Variants in SELE observed in about 807,000 individuals in gnomAD.
The protein encoded by SELE is selectin E.
SELE carries 52 observed loss-of-function variants against 75.8 expected under a neutral mutation model. The ratio of observed to expected loss-of-function variants is 0.69; its 90% confidence interval spans 0.55 to 0.86. The LOEUF is 0.86. Among genes scored for constraint, SELE ranks in the 40% least tolerant of loss-of-function variants. SELE has a pLI of 0.00. For synonymous variants in SELE, 285 were observed against 258.7 expected (o/e 1.10, Z -0.98); for missense variants, 754 against 732.7 (o/e 1.03, Z -0.34).
In SELE at chr1:169,729,524, A is replaced by G. The variant is rs1373695866; in HGVS notation, c.865T>C (p.Ser289Pro). The G allele has an allele frequency of 2.5e-6, 4 of 1,613,998 alleles. No individual in the cohort carries two copies. Among genetic ancestry groups the G allele is most frequent in the Non-Finnish European group, 2.5e-6 (3 of 1,179,988 alleles). Residue 289 changes from serine to proline, a missense_variant, in exon 6 of 14, where the codon TCT becomes CCT. Transcript: ENST00000333360. ...GGCTTCTCGTTGTCCCAATTCCCAG[A>G]TGAGGTACACTGAAGGCTCTGGGCT... ...MGAQSLQCTS[S>P]GNWDNEKPTC... is the part of the protein sequence containing the mutation.
At chr1:169,732,088 C>G (rs1648925711) in intron 3 of SELE, 146 bp from the exon 4 acceptor site, 4 of 526,804 alleles carry the variant, frequency 7.6e-6, no homozygotes. Context: ...TACAAAGTTC[C>G]AAATCTGAGT....
chr1:169,728,295 G>A, intron 7 of SELE, 49 bp from the exon 8 acceptor site: 1 of 1,574,362 alleles, frequency 6.4e-7, no homozygotes, highest in African/African-American at 1.4e-5. Context: ...GAACTAGAGA[G>A]TACTTGGCGT....
At chr1:169,727,244 G>T in intron 10 of SELE, 105 bp downstream of exon 10, 1 of 1,273,212 alleles carries the variant, frequency 7.9e-7, no homozygotes, top group Non-Finnish European at 1.1e-6. Context: ...GTCAACCTGG[G>T]CGAACTTTCT....
chr1:169,729,104 G>T, intron 7 of SELE, 82 bp downstream of exon 7: 1 of 1,231,496 alleles, frequency 8.1e-7, no homozygotes, highest in South Asian at 1.5e-5. Flanking sequence ...AGTTAAAGTG[G>T]GTATTGGTTT....
chr1:169,730,705 T>TC, intron 4 of SELE, 88 bp from the exon 5 acceptor site: 1 of 729,620 alleles, frequency 1.4e-6, no homozygotes, highest in East Asian at 3.3e-5. Flanking sequence ...TTGGTTTTTT[T>TC]TTTTTTTAGT....
At chr1:169,726,064 A>G in intron 11 of SELE, 136 bp from the exon 12 acceptor site, 1 of 1,005,492 alleles carries the variant, frequency 9.9e-7, no homozygotes, top group South Asian at 1.4e-5. Context: ...TAATCAGAGC[A>G]CAAGCATGGC....
chr1:169,733,013 A>C lies in SELE; in HGVS notation c.38-15T>G. ...AATGAGAAGCACTAGTGGGAGAAAAAGAAAAGAAATGGTAGAGTTTGGTAC... is the reference window on the plus strand; with the variant it reads ...AATGAGAAGCACTAGTGGGAGAAAACGAAAAGAAATGGTAGAGTTTGGTAC... On this transcript the variant is annotated splice_polypyrimidine_tract_variant and intron_variant, in intron 2 of 13. Coordinates refer to ENST00000333360, the MANE Select transcript of SELE (RefSeq NM_000450.2). 3.2e-6 allele frequency: 5 copies of C among 1,542,044 alleles called. No individual in the cohort carries two copies. Among genetic ancestry groups the C allele is most frequent in the Non-Finnish European group, 2.6e-6 (3 of 1,153,090 alleles).
Position 169,732,896 on chromosome 1 carries a change from A to T in SELE, c.140T>A (p.Leu47Gln). Residue 47 changes from leucine to glutamine, a missense_variant, in exon 3 of 14, where the codon CTG becomes CAG. Coordinates refer to ENST00000333360, the MANE Select transcript of SELE (RefSeq NM_000450.2). ...CTCTTCTTTGTTTTGAATTGCAACC[A>T]GGTGTGTGTACCTTTGCTGACAATA... Reference protein sequence around the residue: ...SAYCQQRYTHLVAIQNKEEIE... With the variant: ...SAYCQQRYTHQVAIQNKEEIE... 1 of 1,614,172 alleles carries T rather than the reference A, an allele frequency of 6.2e-7. No individual in the cohort carries two copies. The highest frequency in any genetic ancestry group is 8.5e-7 in the Non-Finnish European group (1 of 1,180,026).
At position 169,724,371 on chromosome 1, in the gene SELE, A is replaced by G. The variant is rs1407152377; in HGVS notation, c.*154T>C. 1 of 152,172 alleles carries G rather than the reference A, an allele frequency of 6.6e-6. No individual in the cohort carries two copies. Among genetic ancestry groups the G allele is most frequent in the Non-Finnish European group, 1.5e-5 (1 of 68,038 alleles). 9.4% of individuals were successfully genotyped at this position (152,172 alleles called of 1,614,324 possible). ...GTCCTTGCCTGCTGGACTTTGATCT[A>G]TTGAAGTGGTGATGGGTGTTGCGGT... On this transcript the variant is annotated 3_prime_UTR_variant, in exon 14 of 14. Coordinates refer to ENST00000333360, the MANE Select transcript of SELE (RefSeq NM_000450.2).
chr1:169,730,621 A>G lies in SELE; in HGVS notation c.530-4T>C. The G allele has an allele frequency of 6.3e-7, 1 of 1,588,678 alleles. No individual in the cohort carries two copies. Among genetic ancestry groups the G allele is most frequent in the Non-Finnish European group, 8.6e-7 (1 of 1,164,400 alleles). ...TCCAGGGCTGTACAGTTCACAACTG[A>G]AAAAGAAACCCAAATCAGTTCTGCT... On this transcript the variant is annotated splice_region_variant and splice_polypyrimidine_tract_variant and intron_variant, in intron 4 of 13. Transcript: ENST00000333360.
intron 13 of SELE, among the ~76,000 whole-genome samples, chr1:169,725,330 C>T (rs1211529068): frequency 6.6e-6 from 1 of 151,500 alleles, no homozygotes; most frequent in Non-Finnish European, 1.5e-5. Flanking sequence ...TTGCAGTGAG[C>T]CAAGATCATG....
rs1406391504 is a variant in SELE at position 169,728,144 on chromosome 1, CAGG to C, written c.1190_1192del (p.Ser397del). The C allele has an allele frequency of 1.2e-6, 2 of 1,614,200 alleles. No homozygotes were observed. Among genetic ancestry groups the C allele is most frequent in the East Asian group, 2.2e-5 (1 of 44,884 alleles). On this transcript the variant is annotated inframe_deletion, in exon 8 of 14. Transcript: ENST00000333360. ...TCCCTTCAACACAAAACCCTGCTCA[CAGG>C]AGAACTCACAGCTGGACCCATAACG...
chr1:169,731,572 G>A (rs1332656998), intron 4 of SELE: 3 of 350,408 alleles, frequency 8.6e-6, no homozygotes, highest in South Asian at 6.5e-5. Context: ...AGCCTATGAA[G>A]TTCACACTAT....
intron 9 of SELE, 77 bp downstream of exon 9, chr1:169,727,662 C>G (rs536354744): frequency 5.8e-6 from 9 of 1,550,102 alleles, no homozygotes; most frequent in Non-Finnish European, 7.0e-6. Flanking sequence ...GGACCAAACC[C>G]CTTTGGGGCA....
At position 169,726,754 on chromosome 1, in the gene SELE, G is replaced by A; in HGVS notation, c.1698C>T (p.Leu566=). The change falls in exon 11 of 14, where the codon CTC becomes CTT. Residue 566 remains leucine (L), a synonymous_variant. Transcript: ENST00000333360. The part of the protein sequence containing the change: ...PLVAGLSAAG[L]SLLTLAPFLL... ...GAAATGGTGCTAATGTCAGGAGGGA[G>A]AGTCCAGCAGCAGAAAGTCCAGCTA... The A allele has an allele frequency of 6.2e-7, 1 of 1,613,952 alleles. No individual in the cohort carries two copies.
At chr1:169,727,655 C>A (rs1284831146) in intron 9 of SELE, 84 bp downstream of exon 9, 7 of 1,542,098 alleles carry the variant, frequency 4.5e-6, no homozygotes, top group East Asian at 2.3e-5. Context: ...GAAATTAGGA[C>A]CAAACCCCTT....
In SELE at chr1:169,729,189, CA is replaced by C; in HGVS notation, c.1086del (p.Cys362TrpfsTer17). 4 of 1,602,330 alleles carry C rather than the reference CA, an allele frequency of 2.5e-6. No individual in the cohort carries two copies. Among genetic ancestry groups the C allele is most frequent in the Non-Finnish European group, 2.6e-6 (3 of 1,172,788 alleles). On this transcript the variant is annotated frameshift_variant, in exon 7 of 14. Transcript: ENST00000333360. LOFTEE classifies it high-confidence loss of function. ...QGQWTQQIPV[C>X]EAFQCTALSN... is the part of the protein sequence containing the mutation. The stretch of plus-strand genomic sequence containing the variant: ...AATCGAAGGATCTCAAGCTTACCTT[CA>C]CAAACTGGGATTTGCTGTGTCCACT...
chr1:169,727,984 C>A, intron 8 of SELE, 57 bp from the exon 9 acceptor site: 1 of 1,588,402 alleles, frequency 6.3e-7, no homozygotes, highest in Admixed American at 1.8e-5. Flanking sequence ...CAATACGTTT[C>A]CCAAGGTAAC....
At chr1:169,729,070 T>C in intron 7 of SELE, 116 bp downstream of exon 7, 2 of 839,232 alleles carry the variant, frequency 2.4e-6, no homozygotes, top group Non-Finnish European at 3.7e-6. Flanking sequence ...GATACGAGGG[T>C]TGCTCATCAA....
Sources: allele counts gnomAD v4.1 joint callset (sites outside exome capture counted in the v4.1 genomes callset), GRCh38; gene constraint gnomAD v4.1.1; transcripts MANE v1.5; gene names NCBI Gene and HGNC (gene_info 2026-07-23, HGNC 2026-07-21).